LRRC3B: variants seen among roughly 807,000 people sequenced by gnomAD.
LRRC3B encodes the protein leucine-rich repeat-containing protein 3B.
Under a neutral mutation model 12.8 loss-of-function variants are expected in LRRC3B, and 2 were observed. That is an observed-to-expected ratio of 0.16 (90% CI 0.06 to 0.49). LRRC3B has a LOEUF of 0.49. Among genes scored for constraint, LRRC3B ranks in the 20% least tolerant of loss-of-function variants. LRRC3B has a pLI of 0.96. For missense variants in LRRC3B, 189 were observed against 319.4 expected (o/e 0.59, Z 3.11); for synonymous variants, 132 against 122.0 (o/e 1.08, Z -0.54).
chr3:26,678,153 T>C (rs1699900386), intron 1 of LRRC3B, among the ~76,000 whole-genome samples: 1 of 152,072 alleles, frequency 6.6e-6, no homozygotes, highest in Admixed American at 6.6e-5. Flanking sequence ...TAGGTACATA[T>C]GAAAGTCCAA....
chr3:26,685,504 T>C (rs999564731), intron 1 of LRRC3B, among the ~76,000 whole-genome samples: 1 of 47,668 alleles, frequency 2.1e-5, no homozygotes, highest in African/African-American at 8.3e-5. Flanking sequence ...TCTCTCTCTC[T>C]CTCTCTCTCT....
chr3:26,689,845 C>A (rs1203166064), intron 1 of LRRC3B, among the ~76,000 whole-genome samples: 1 of 152,180 alleles, frequency 6.6e-6, no homozygotes, highest in Non-Finnish European at 1.5e-5. Flanking sequence ...GGTCCGCAGG[C>A]CCCCCAACAC....
intron 1 of LRRC3B, among the ~76,000 whole-genome samples, chr3:26,688,657 C>T (rs1467597932): frequency 6.6e-6 from 1 of 152,110 alleles, no homozygotes; most frequent in African/African-American, 2.4e-5. Context: ...CATGAGAACT[C>T]ATCATCATGA....
chr3:26,650,028 C>T (rs1699233779), intron 1 of LRRC3B, among the ~76,000 whole-genome samples: 1 of 152,110 alleles, frequency 6.6e-6, no homozygotes, highest in African/African-American at 2.4e-5. Context: ...AAAATAATTC[C>T]TCTTTTTAAA....
chr3:26,644,908 C>T (rs1044860887), intron 1 of LRRC3B, among the ~76,000 whole-genome samples: 1 of 152,068 alleles, frequency 6.6e-6, no homozygotes, highest in Admixed American at 6.5e-5. Flanking sequence ...ATATAATGCC[C>T]ATATATACAC....
intron 1 of LRRC3B, among the ~76,000 whole-genome samples, chr3:26,649,386 T>C (rs964166937): frequency 1.3e-5 from 2 of 152,224 alleles, no homozygotes; most frequent in Admixed American, 6.5e-5. Flanking sequence ...TTTGTTTCTT[T>C]GGCTTATTTA....
intron 1 of LRRC3B, among the ~76,000 whole-genome samples, chr3:26,698,850 A>C (rs1261584502): frequency 6.6e-6 from 1 of 152,132 alleles, no homozygotes; most frequent in Admixed American, 6.5e-5. Context: ...AAATTTTAAG[A>C]AACGTAAATT....
chr3:26,657,954 T>C (rs1006286201), intron 1 of LRRC3B, among the ~76,000 whole-genome samples: 1 of 152,246 alleles, frequency 6.6e-6, no homozygotes, highest in Non-Finnish European at 1.5e-5. Flanking sequence ...AGTGAGAGAT[T>C]GGATACCTTT....
At chr3:26,670,485 G>A (rs1699697004) in intron 1 of LRRC3B, among the ~76,000 whole-genome samples, 1 of 152,062 alleles carries the variant, frequency 6.6e-6, no homozygotes, top group African/African-American at 2.4e-5. Flanking sequence ...TCTTCTTTCT[G>A]AGCACCGGGT....
intron 1 of LRRC3B, among the ~76,000 whole-genome samples, chr3:26,695,227 A>AT (rs1222638285): frequency 6.6e-6 from 1 of 152,092 alleles, no homozygotes; most frequent in Non-Finnish European, 1.5e-5. Flanking sequence ...TAATTCTATT[A>AT]TTTTTTAAAA....
intron 1 of LRRC3B, among the ~76,000 whole-genome samples, chr3:26,663,104 C>T (rs182761067): frequency 1.3e-5 from 2 of 152,174 alleles, no homozygotes; most frequent in Non-Finnish European, 2.9e-5. Flanking sequence ...GGCTTTAGGC[C>T]CTCTCATGCA....
intron 1 of LRRC3B, among the ~76,000 whole-genome samples, chr3:26,650,350 C>T (rs1023064383): frequency 6.6e-6 from 1 of 152,108 alleles, no homozygotes; most frequent in Non-Finnish European, 1.5e-5. Flanking sequence ...TCTTTTACTT[C>T]CAGGATGTGG....
At chr3:26,690,119 G>A (rs1390380507) in intron 1 of LRRC3B, among the ~76,000 whole-genome samples, 1 of 152,182 alleles carries the variant, frequency 6.6e-6, no homozygotes, top group Non-Finnish European at 1.5e-5. Flanking sequence ...CAGGTTTGTT[G>A]AGCTGAATAT....
intron 1 of LRRC3B, among the ~76,000 whole-genome samples, chr3:26,645,519 C>T (rs1699123958): frequency 6.6e-6 from 1 of 151,920 alleles, no homozygotes; most frequent in Non-Finnish European, 1.5e-5. Context: ...CAAAGAATGG[C>T]CTCTGCTATT....
chr3:26,685,914 G>GCAAA (rs1700078526), intron 1 of LRRC3B, among the ~76,000 whole-genome samples: 2 of 151,880 alleles, frequency 1.3e-5, no homozygotes, highest in Admixed American at 1.3e-4. Context: ...TTTTCTGGTG[G>GCAAA]CAAACATTCT....
intron 1 of LRRC3B, among the ~76,000 whole-genome samples, chr3:26,702,431 A>G (rs1700477117): frequency 6.6e-6 from 1 of 152,132 alleles, no homozygotes; most frequent in African/African-American, 2.4e-5. Flanking sequence ...TTATAATTGG[A>G]TTTTAAATCA....
At chr3:26,643,194 A>T (rs534246237) in intron 1 of LRRC3B, among the ~76,000 whole-genome samples, 1 of 151,834 alleles carries the variant, frequency 6.6e-6, no homozygotes, top group Non-Finnish European at 1.5e-5. Flanking sequence ...TTGTAAGAGG[A>T]CTTGGGAGGG....
chr3:26,654,468 C>T (rs1032660612), intron 1 of LRRC3B, among the ~76,000 whole-genome samples: 9 of 152,178 alleles, frequency 5.9e-5, no homozygotes, highest in Non-Finnish European at 1.3e-4. Flanking sequence ...TTCTGATACA[C>T]AGCCATAAAA....
chr3:26,704,570 A>C (rs917904122), intron 1 of LRRC3B, among the ~76,000 whole-genome samples: 2 of 149,510 alleles, frequency 1.3e-5, no homozygotes, highest in African/African-American at 4.9e-5. Flanking sequence ...TCTTCTTTTT[A>C]TTTTTATTTT....
Sources: gnomAD v4.1 joint callset for allele counts (sites outside exome capture counted in the v4.1 genomes callset) on GRCh38, gnomAD v4.1.1 for gene constraint, MANE v1.5 for transcripts, NCBI Gene and HGNC (gene_info 2026-07-23, HGNC 2026-07-21) for gene names.